The following SGCD variants were observed in gnomAD, a reference collection of about 807,000 sequenced individuals.
The protein encoded by SGCD is delta-sarcoglycan.
A neutral mutation model predicts 36.6 loss-of-function variants in SGCD; 18 were observed. That is an observed-to-expected ratio of 0.49 (90% confidence interval 0.34 to 0.73). The LOEUF (loss-of-function observed/expected upper bound fraction) is 0.73. SGCD is among the 30% of genes least tolerant of loss of function. The probability of loss-of-function intolerance (pLI) is 0.01; values close to 1 mark genes in which losing one functional copy is unlikely to be tolerated. For synonymous variants in SGCD, 133 were observed against 130.6 expected, an observed-to-expected ratio of 1.02 and a Z score of -0.12; for missense variants, 387 against 346.7, an observed-to-expected ratio of 1.12 and a Z score of -0.92.
chr5:155,941,900 G>T (rs920449340), intron 1 of SGCD, among the ~76,000 whole-genome samples: 2 of 152,140 alleles, frequency 1.3e-5, no homozygotes, highest in East Asian at 1.9e-4. Flanking sequence ...AAATGTATTT[G>T]TTGTACACTG....
At chr5:155,851,609 G>A in the SGCD span, among the ~76,000 whole-genome samples, 1 of 152,148 alleles carries the variant, frequency 6.6e-6, no homozygotes, top group Non-Finnish European at 1.5e-5. Flanking sequence ...TCAGTGAAGA[G>A]TGGCCCCAGT....
At chr5:155,760,183 CCAT>C in the SGCD span, among the ~76,000 whole-genome samples, 3 of 151,254 alleles carry the variant, frequency 2.0e-5, no homozygotes, top group African/African-American at 7.3e-5. Context: ...AACACCCTCT[CCAT>C]CATCATCTCC....
At chr5:156,099,597 TAG>T (rs1761470515) in intron 1 of SGCD, among the ~76,000 whole-genome samples, 1 of 152,080 alleles carries the variant, frequency 6.6e-6, no homozygotes, top group Non-Finnish European at 1.5e-5. Flanking sequence ...GTATTTTTAG[TAG>T]AGACGGGGTT....
intron 3 of SGCD, among the ~76,000 whole-genome samples, chr5:156,385,081 G>A (rs957175566): frequency 4.6e-5 from 7 of 152,206 alleles, no homozygotes; most frequent in African/African-American, 1.4e-4. Context: ...CCACTCAAAA[G>A]TGTAGGTAAT....
chr5:155,837,315 G>A, the SGCD span, among the ~76,000 whole-genome samples: 1,424 of 151,942 alleles, frequency 9.4e-3, 22 homozygotes, highest in African/African-American at 0.033. Flanking sequence ...CCACCACCAC[G>A]CCTGGCTAAT....
At chr5:155,830,343 T>G in the SGCD span, among the ~76,000 whole-genome samples, 1 of 93,952 alleles carries the variant, frequency 1.1e-5, no homozygotes, top group Non-Finnish European at 1.9e-5. Context: ...ACACTCGTGG[T>G]GTCTCCTCTT....
intron 1 of SGCD, among the ~76,000 whole-genome samples, chr5:156,098,526 A>G (rs1761435215): frequency 6.6e-6 from 1 of 152,128 alleles, no homozygotes; most frequent in African/African-American, 2.4e-5. Context: ...TATAGTTTAT[A>G]TAGAGTATTA....
intron 7 of SGCD, among the ~76,000 whole-genome samples, chr5:156,668,559 CAG>C (rs1305452930): frequency 1.3e-5 from 2 of 152,146 alleles, no homozygotes; most frequent in Admixed American, 6.5e-5. Flanking sequence ...ACAAATGTGA[CAG>C]AAATTATATT....
intron 3 of SGCD, among the ~76,000 whole-genome samples, chr5:156,134,058 AG>A (rs1180285078): frequency 3.9e-5 from 6 of 152,280 alleles, no homozygotes; most frequent in Non-Finnish European, 8.8e-5. Flanking sequence ...AATATAACAT[AG>A]GTTAAAAATC....
At chr5:156,073,732 A>T (rs1581080831) in intron 1 of SGCD, among the ~76,000 whole-genome samples, 1 of 152,240 alleles carries the variant, frequency 6.6e-6, no homozygotes, top group Admixed American at 6.5e-5. Context: ...TATCATCTAA[A>T]TCAGCAGAAA....
At chr5:155,987,022 T>C (rs1228955236) in intron 1 of SGCD, among the ~76,000 whole-genome samples, 1 of 152,164 alleles carries the variant, frequency 6.6e-6, no homozygotes, top group African/African-American at 2.4e-5. Flanking sequence ...TTAATGCATA[T>C]AATGGTTTAT....
chr5:155,759,518 C>A, the SGCD span, among the ~76,000 whole-genome samples: 1 of 152,132 alleles, frequency 6.6e-6, no homozygotes, highest in Non-Finnish European at 1.5e-5. Flanking sequence ...CAAGCAATGA[C>A]ACTGTGCTTG....
intron 3 of SGCD, among the ~76,000 whole-genome samples, chr5:156,170,697 G>A (rs1248943738): frequency 6.6e-6 from 1 of 152,100 alleles, no homozygotes; most frequent in African/African-American, 2.4e-5. Context: ...AAATTAGTAG[G>A]ACAGGTCAGG....
chr5:156,297,814 A>G (rs1581226817), intron 3 of SGCD, among the ~76,000 whole-genome samples: 1 of 151,998 alleles, frequency 6.6e-6, no homozygotes, highest in African/African-American at 2.4e-5. Flanking sequence ...AAATAAATAA[A>G]TAAATAAATA....
intron 5 of SGCD, 143 bp downstream of exon 5, chr5:156,589,461 A>G (rs1760634331): frequency 1.7e-6 from 1 of 584,210 alleles, no homozygotes; most frequent in African/African-American, 1.8e-5. Context: ...CATGTGTTCC[A>G]TGATTCTACT....
chr5:155,736,285 C>G, the SGCD span, among the ~76,000 whole-genome samples: 43 of 152,116 alleles, frequency 2.8e-4, no homozygotes, highest in African/African-American at 1.0e-3. Context: ...CCCTGCATCC[C>G]AAAAAGCTTA....
At chr5:156,145,936 A>G (rs758340923) in intron 3 of SGCD, among the ~76,000 whole-genome samples, 5 of 152,216 alleles carry the variant, frequency 3.3e-5, no homozygotes, top group East Asian at 1.9e-4. Flanking sequence ...ATTTGAGGCC[A>G]GGCGTGGTGG....
intron 7 of SGCD, among the ~76,000 whole-genome samples, chr5:156,753,395 A>G (rs1027670644): frequency 1.3e-5 from 2 of 152,160 alleles, no homozygotes; most frequent in African/African-American, 4.8e-5. Context: ...TCAGGAGGAA[A>G]CCTTCCATTT....
At chr5:156,138,283 C>T (rs1451720289) in intron 3 of SGCD, among the ~76,000 whole-genome samples, 1 of 152,186 alleles carries the variant, frequency 6.6e-6, no homozygotes, top group African/African-American at 2.4e-5. Context: ...TGCCTGTAAT[C>T]CCAGCTACTC....
Sources: gnomAD v4.1 joint callset for allele counts (sites outside exome capture counted in the v4.1 genomes callset) on GRCh38, gnomAD v4.1.1 for gene constraint, MANE v1.5 for transcripts, NCBI Gene and HGNC (gene_info 2026-07-23, HGNC 2026-07-21) for gene names.